Variants in ZNF544 observed in about 807,000 individuals in gnomAD.
The protein encoded by ZNF544 is zinc finger protein AF020591.
ZNF544 carries 10 observed loss-of-function variants against 13.5 expected under a neutral mutation model. That is an observed-to-expected ratio of 0.74 (90% CI 0.46 to 1.25). ZNF544 has a LOEUF of 1.25. ZNF544 is among the 50% of genes most tolerant of loss of function. ZNF544 has a pLI of 0.00. For missense variants in ZNF544, 896 were observed against 845.6 expected (o/e 1.06, Z -0.74); for synonymous variants, 323 against 300.5 (o/e 1.07, Z -0.77).
In ZNF544 at chr19:58,263,038, A is replaced by G; in HGVS notation, c.*284A>G. On this transcript the variant is annotated 3_prime_UTR_variant, in exon 7 of 7. Transcript: ENST00000687789. ...AGAAAGCCTTTAGCCAACGGTGTCA[A>G]CTTACTAGGCAGCAGAGAATTCATA... 1 of 1,161,434 alleles carries G rather than the reference A, an allele frequency of 8.6e-7. No homozygotes were observed. The highest frequency in any genetic ancestry group is 4.6e-5 in the East Asian group (1 of 21,620). 71.9% of individuals were successfully genotyped at this position (1,161,434 alleles called of 1,614,324 possible).
intron 5 of ZNF544, among the ~76,000 whole-genome samples, chr19:58,274,028 T>A (rs1328449845): frequency 1.3e-5 from 2 of 152,148 alleles, no homozygotes; most frequent in Non-Finnish European, 2.9e-5. Context: ...ACTCTTGATC[T>A]CATGGTCTGC....
At chr19:58,248,593 C>T (rs2045782959) in intron 6 of ZNF544, among the ~76,000 whole-genome samples, 1 of 152,066 alleles carries the variant, frequency 6.6e-6, no homozygotes, top group Admixed American at 6.5e-5. Context: ...TGTCATGTAT[C>T]CACCATTATA....
Position 58,262,541 on chromosome 19 carries a change from C to T in ZNF544, c.1935C>T (p.Ser645=). The stretch of plus-strand genomic sequence containing the variant: ...GCAATAAAGCCTTTGCAAGGAGCTC[C>T]TACCTTGTGATGCATCAGAGAACTC... ...NQCNKAFARS[S]YLVMHQRTHT... is the part of the protein sequence containing the mutation. The change falls in exon 7 of 7, where the codon TCC becomes TCT. Residue 645 remains serine (S), a synonymous_variant. Transcript: ENST00000687789. 6.2e-7 allele frequency: 1 copy of T among 1,614,122 alleles called. No homozygotes were observed. The highest frequency in any genetic ancestry group is 8.5e-7 in the Non-Finnish European group (1 of 1,180,008).
At chr19:58,269,763 A>G (rs775603573) in intron 5 of ZNF544, among the ~76,000 whole-genome samples, 1 of 152,112 alleles carries the variant, frequency 6.6e-6, no homozygotes, top group Non-Finnish European at 1.5e-5. Context: ...TCTACTAAAG[A>G]TACAAAAATT....
intron 3 of ZNF544, among the ~76,000 whole-genome samples, chr19:58,243,762 G>C (rs892421202): frequency 2.0e-5 from 3 of 152,116 alleles, no homozygotes; most frequent in Non-Finnish European, 2.9e-5. Flanking sequence ...GGGCTGCTGC[G>C]TGTCTGGACT....
chr19:58,268,757 T>C (rs1472107390), downstream of ZNF544, among the ~76,000 whole-genome samples: 4 of 152,188 alleles, frequency 2.6e-5, no homozygotes, highest in East Asian at 1.9e-4. Flanking sequence ...GGAAGGAGCA[T>C]AGGCTGTAAG....
At position 58,272,195 on chromosome 19, in the gene ZNF544, T is replaced by TGTCA. The variant is rs1381014726; in HGVS notation, c.245-4126_245-4123dup. On this transcript the variant is annotated intron_variant, in intron 5 of 6. Coordinates refer to the ZNF544 transcript ENST00000595981. Reference sequence around the variant, plus strand: ...AAAAAAAAAAAGCATAAAGAAAAGATGTCAGACTTGTCTGTTTGGCCAGTT... The same window carrying TGTCA: ...AAAAAAAAAAAGCATAAAGAAAAGATGTCAGTCAGACTTGTCTGTTTGGCCAGTT... Among the ~76,000 whole-genome samples the TGTCA allele has an allele frequency of 4.1e-5, 6 of 146,698 alleles. No individual in the cohort carries two copies. The East Asian group carries it at 1.2e-3, about 30-fold the overall frequency.
chr19:58,242,235 T>G, intron 3 of ZNF544: 1 of 985,086 alleles, frequency 1.0e-6, no homozygotes, highest in Non-Finnish European at 1.2e-6. Flanking sequence ...CTGGCCAGAG[T>G]GAGTCCCCAG....
chr19:58,234,498 C>T (rs1471031435), intron 3 of ZNF544, among the ~76,000 whole-genome samples: 1 of 152,244 alleles, frequency 6.6e-6, no homozygotes, highest in Non-Finnish European at 1.5e-5. Context: ...TGGCCTGGAG[C>T]CTGGCACTTG....
Position 58,262,252 on chromosome 19 carries a change from A to G in ZNF544, c.1646A>G (p.Gln549Arg). Reference sequence around the variant, plus strand: ...ATTCACACTGGAGAAAAACCGTATCAGTGTATTGAATGTGGGAAATCCTTC... The same window carrying G: ...ATTCACACTGGAGAAAAACCGTATCGGTGTATTGAATGTGGGAAATCCTTC... ...QRIHTGEKPY[Q>R]CIECGKSFRW... Residue 549 changes from glutamine to arginine, a missense_variant, in exon 7 of 7, where the codon CAG (glutamine) becomes CGG (arginine). Gln to Arg is a conservative substitution (Grantham distance 43). Transcript: ENST00000687789. 6.2e-7 allele frequency: 1 copy of G among 1,614,158 alleles called. No homozygotes were observed. The highest frequency in any genetic ancestry group is 8.5e-7 in the Non-Finnish European group (1 of 1,180,040).
chr19:58,246,565 C>T (rs2045263083), intron 5 of ZNF544, 138 bp downstream of exon 5: 7 of 1,466,088 alleles, frequency 4.8e-6, no homozygotes, highest in Middle Eastern at 3.6e-4. Context: ...GGTTGCCCTT[C>T]ATTCTATCTC....
intron 6 of ZNF544, among the ~76,000 whole-genome samples, chr19:58,252,990 T>A (rs1260572293): frequency 6.6e-6 from 1 of 152,166 alleles, no homozygotes; most frequent in Non-Finnish European, 1.5e-5. Flanking sequence ...CAGCTCACTT[T>A]TATATTTTTA....
intron 3 of ZNF544, among the ~76,000 whole-genome samples, chr19:58,237,907 A>G (rs748999767): frequency 6.6e-6 from 1 of 152,200 alleles, no homozygotes; most frequent in African/African-American, 2.4e-5. Context: ...AAGGTGTTCC[A>G]TGAGACTGAC....
At chr19:58,246,844 A>G in intron 6 of ZNF544, 50 bp downstream of exon 6, 1 of 1,581,650 alleles carries the variant, frequency 6.3e-7, no homozygotes, top group African/African-American at 1.3e-5. Flanking sequence ...AAGCTTGGAC[A>G]GAGAGCTCTC....
chr19:58,234,301 T>C (rs1235944816), intron 3 of ZNF544, among the ~76,000 whole-genome samples: 2 of 152,248 alleles, frequency 1.3e-5, no homozygotes, highest in Non-Finnish European at 2.9e-5. Flanking sequence ...CTTCTGCCTG[T>C]GCATTGGGGT....
At chr19:58,244,374 A>C (rs2044600532) in intron 4 of ZNF544, among the ~76,000 whole-genome samples, 1 of 151,754 alleles carries the variant, frequency 6.6e-6, no homozygotes, top group Non-Finnish European at 1.5e-5. Flanking sequence ...ACACCCCGAC[A>C]GCCACACTGG....
chr19:58,236,225 C>G, intron 3 of ZNF544, among the ~76,000 whole-genome samples: 1 of 151,620 alleles, frequency 6.6e-6, no homozygotes, highest in East Asian at 1.9e-4. Context: ...CAGAAACAGC[C>G]AGGCACGGTG....
chr19:58,245,439 T>C lies in ZNF544; in HGVS notation c.34-862T>C, dbSNP rs544291204. Among the ~76,000 whole-genome samples the C allele has an allele frequency of 9.9e-4, 150 of 151,764 alleles. 1 individual carries two copies. The highest frequency in any genetic ancestry group is 3.5e-3 in the African/African-American group (145 of 41,364). On this transcript the variant is annotated intron_variant, in intron 4 of 6. Transcript: ENST00000687789. ...CTGCAGCCAGGAAGAGTAGCTGGGA[T>C]TACAGGCATGTGCCACCATGCCTGG... is the stretch of plus-strand genomic sequence containing the variant.
At chr19:58,240,331 C>G (rs2043297856) in intron 3 of ZNF544, among the ~76,000 whole-genome samples, 2 of 151,580 alleles carry the variant, frequency 1.3e-5, no homozygotes, top group African/African-American at 2.4e-5. Flanking sequence ...GATCTCTGCT[C>G]ACTGCAAGCT....
Sources: allele counts gnomAD v4.1 joint callset (sites outside exome capture counted in the v4.1 genomes callset), GRCh38; gene constraint gnomAD v4.1.1; transcripts MANE v1.5; gene names NCBI Gene and HGNC (gene_info 2026-07-23, HGNC 2026-07-21).